Variants in CACNA1A observed in about 807,000 individuals in gnomAD.
CACNA1A encodes voltage-dependent P/Q-type calcium channel subunit alpha-1A.
In CACNA1A, 57 loss-of-function variants were observed where a neutral mutation model predicts 262.4. The observed-to-expected ratio is 0.22, with a 90% CI of 0.18 to 0.27. The LOEUF (loss-of-function observed/expected upper bound fraction) is 0.27, where lower values mean the gene tolerates loss of function less well. Among genes scored for constraint, CACNA1A ranks in the 10% least tolerant of loss-of-function variants. The pLI is 1.00. For missense variants in CACNA1A, 2,526 were observed against 3,562.8 expected, an observed-to-expected ratio of 0.71 and a Z score of 7.41; for synonymous variants, 1,431 against 1,419.3, an observed-to-expected ratio of 1.01 and a Z score of -0.18.
intron 1 of CACNA1A, among the ~76,000 whole-genome samples, chr19:13,486,873 C>G (rs1000534198): frequency 1.2e-4 from 19 of 152,170 alleles, no homozygotes; most frequent in Middle Eastern, 3.4e-3. Flanking sequence ...CTCTCTCTCT[C>G]TGTGTCTCCT....
chr19:13,355,890 T>A (rs1490563420), intron 6 of CACNA1A, among the ~76,000 whole-genome samples: 1 of 152,134 alleles, frequency 6.6e-6, no homozygotes, highest in Non-Finnish European at 1.5e-5. Context: ...GCCAATAGCA[T>A]CCTCCTTCTT....
At chr19:13,288,273 T>C (rs1265033636) in intron 19 of CACNA1A, among the ~76,000 whole-genome samples, 2 of 151,618 alleles carry the variant, frequency 1.3e-5, no homozygotes, top group Non-Finnish European at 2.9e-5. Flanking sequence ...AGAGCCTCAC[T>C]CTGTTGCCCA....
chr19:13,236,265 G>A lies in CACNA1A; in HGVS notation c.4951-535C>T, dbSNP rs568173124. ...ACAGTCAGGCCTGGTGGACATGTGC[G>A]GGTTCCGAGGGCATGTTACGCTCCG... On this transcript the variant is annotated intron_variant, in intron 31 of 46. Coordinates refer to ENST00000360228, the MANE Select transcript of CACNA1A (RefSeq NM_001127222.2). This position sits in a 1 kb window ranked among gnomAD's most constrained non-coding sequence, Gnocchi z 4.6. 1.6e-4 allele frequency among the ~76,000 whole-genome samples: 24 copies of A among 152,224 alleles called. No individual in the cohort carries two copies. The highest frequency in any genetic ancestry group is 3.1e-4 in the Non-Finnish European group (21 of 68,010).
At chr19:13,309,488 T>C (rs1657107639) in intron 12 of CACNA1A, among the ~76,000 whole-genome samples, 1 of 149,350 alleles carries the variant, frequency 6.7e-6, no homozygotes, top group African/African-American at 2.5e-5. Context: ...AGCCCAGGAG[T>C]TCAAGACCAG....
intron 12 of CACNA1A, among the ~76,000 whole-genome samples, chr19:13,311,769 G>A (rs997777412): frequency 2.6e-5 from 4 of 151,896 alleles, no homozygotes; most frequent in African/African-American, 7.3e-5. Context: ...CCTGGGAGGC[G>A]GAGCTTGCAG....
chr19:13,385,897 C>T (rs1394363322), intron 3 of CACNA1A, among the ~76,000 whole-genome samples: 2 of 152,152 alleles, frequency 1.3e-5, no homozygotes, highest in Admixed American at 6.5e-5. Flanking sequence ...TGGCTTATGC[C>T]TGTAATCCCA....
In CACNA1A at chr19:13,315,563, G is replaced by A. The variant is rs914920198; in HGVS notation, c.1555+1549C>T. The A allele has an allele frequency of 3.9e-5, 6 of 152,132 alleles. 1 individual carries two copies. The highest frequency in any genetic ancestry group is 1.4e-4 in the African/African-American group (6 of 41,424). 9.4% of individuals were successfully genotyped at this position (152,132 alleles called of 1,614,324 possible). A position where few individuals can be genotyped will look rare whatever the true frequency, so the allele number is the denominator to read the frequency against. ...GGAGATTAAAAATAGAGTATTAGAG[G>A]AAGTTAAAACACGAAGTAGAGTCCT... On this transcript the variant is annotated intron_variant, in intron 11 of 46. Transcript: ENST00000360228.
At chr19:13,405,619 T>G (rs189713375) in intron 3 of CACNA1A, among the ~76,000 whole-genome samples, 58 of 152,282 alleles carry the variant, frequency 3.8e-4, no homozygotes, top group Non-Finnish European at 7.2e-4. Context: ...CAATAAATCC[T>G]CCATAACTGT....
chr19:13,210,499 T>C (rs548784763), intron 44 of CACNA1A, 118 bp downstream of exon 44: 21 of 855,790 alleles, frequency 2.5e-5, no homozygotes, highest in African/African-American at 3.4e-5. Context: ...GAGGGTGCGA[T>C]TGCCAAAGAA....
chr19:13,368,481 C>T (rs530818989), intron 4 of CACNA1A, among the ~76,000 whole-genome samples: 1 of 152,244 alleles, frequency 6.6e-6, no homozygotes, highest in Non-Finnish European at 1.5e-5. Context: ...TACAGGCACA[C>T]TTCACCATAC....
At chr19:13,250,174 C>T (rs530052590) in intron 30 of CACNA1A, among the ~76,000 whole-genome samples, 1 of 151,472 alleles carries the variant, frequency 6.6e-6, no homozygotes, top group African/African-American at 2.4e-5. Flanking sequence ...ATGCTTGGGC[C>T]TCAGCCTCAC....
At chr19:13,384,369 G>C (rs141289145) in intron 3 of CACNA1A, among the ~76,000 whole-genome samples, 1 of 152,244 alleles carries the variant, frequency 6.6e-6, no homozygotes, top group African/African-American at 2.4e-5. Flanking sequence ...GGAGGAGACT[G>C]GTGTGGAGAA....
chr19:13,293,713 C>T (rs1208910115), intron 19 of CACNA1A, among the ~76,000 whole-genome samples: 3 of 151,340 alleles, frequency 2.0e-5, no homozygotes, highest in Admixed American at 1.3e-4. Context: ...ACCTCGGCCT[C>T]CCAAAGTGCT....
intron 10 of CACNA1A, among the ~76,000 whole-genome samples, chr19:13,320,237 C>CGAGAGAGAGAGAGAGAGAGAGAGAGA: frequency 7.9e-6 from 1 of 127,246 alleles, no homozygotes; most frequent in South Asian, 2.9e-4. Flanking sequence ...TTCCACAGAT[C>CGAGAGAGAGAGAGAGAGAGAGAGAGA]GAGAGAGAGA....
Position 13,223,838 on chromosome 19 carries a change from C to T in CACNA1A, c.5731+829G>A, listed in dbSNP as rs115630547. On this transcript the variant is annotated intron_variant, in intron 38 of 46. Coordinates refer to ENST00000360228, the MANE Select transcript of CACNA1A (RefSeq NM_001127222.2). ...GCTGCTGGGTCCTCCCCTGCTTGGA[C>T]GGGTCTCTGGCACATTGAAGGAGTG... 2.7e-3 allele frequency among the ~76,000 whole-genome samples: 417 copies of T among 152,210 alleles called. 2 individuals are homozygous for T. Among genetic ancestry groups the T allele is most frequent in the African/African-American group, 9.2e-3 (382 of 41,554 alleles).
At chr19:13,461,224 C>CT (rs2061116218) in intron 1 of CACNA1A, among the ~76,000 whole-genome samples, 2 of 152,136 alleles carry the variant, frequency 1.3e-5, no homozygotes, top group Admixed American at 6.6e-5. Flanking sequence ...CCTGTAATCT[C>CT]AGCTACTTGG....
chr19:13,505,198 C>G (rs979638686), intron 1 of CACNA1A, among the ~76,000 whole-genome samples: 1 of 152,090 alleles, frequency 6.6e-6, no homozygotes, highest in African/African-American at 2.4e-5. Context: ...CTCGACACCC[C>G]CAAAGATGAT....
chr19:13,391,515 A>C (rs894105498), intron 3 of CACNA1A, among the ~76,000 whole-genome samples: 4 of 152,164 alleles, frequency 2.6e-5, no homozygotes, highest in Admixed American at 6.5e-5. Context: ...GAGGAGTAGG[A>C]ACAGAGGCAA....
intron 3 of CACNA1A, among the ~76,000 whole-genome samples, chr19:13,405,739 A>G (rs756697344): frequency 2.0e-5 from 3 of 152,204 alleles, no homozygotes; most frequent in Non-Finnish European, 2.9e-5. Context: ...GAGCTGGTTC[A>G]AGCCCAGGTA....
Sources: gnomAD v4.1 joint callset for allele counts (sites outside exome capture counted in the v4.1 genomes callset) on GRCh38, gnomAD v4.1.1 for gene constraint, Gnocchi (gnomAD v3.1) non-coding constraint, MANE v1.5 for transcripts, NCBI Gene and HGNC (gene_info 2026-07-23, HGNC 2026-07-21) for gene names.